EIF4G3: variants seen among roughly 807,000 people sequenced by gnomAD.
EIF4G3 encodes eIF-4-gamma 3.
Under a neutral mutation model 186.4 loss-of-function variants are expected in EIF4G3, and 34 were observed. That is an observed-to-expected ratio of 0.18 (90% CI 0.14 to 0.24). The LOEUF (loss-of-function observed/expected upper bound fraction) is 0.24, where lower values mean the gene tolerates loss of function less well. Ranked by LOEUF, EIF4G3 falls within the 10% of genes least tolerant of loss-of-function variation. The probability of loss-of-function intolerance (pLI) is 1.00; values close to 1 mark genes in which losing one functional copy is unlikely to be tolerated. For missense variants in EIF4G3, 1,536 were observed against 1,948.5 expected (o/e 0.79, Z 3.99); for synonymous variants, 673 against 679.5 (o/e 0.99, Z 0.15).
intron 2 of EIF4G3, among the ~76,000 whole-genome samples, chr1:21,139,620 T>C (rs1216331648): frequency 2.0e-5 from 3 of 152,222 alleles, no homozygotes; most frequent in Admixed American, 1.3e-4. Flanking sequence ...CTACTGAGCA[T>C]CCTAATTCTC....
chr1:20,883,037 G>A (rs1429014141), intron 19 of EIF4G3, among the ~76,000 whole-genome samples: 1 of 151,336 alleles, frequency 6.6e-6, no homozygotes, highest in African/African-American at 2.4e-5. Flanking sequence ...AGCTGTGACA[G>A]AGCCACTGAA....
Position 20,981,162 on chromosome 1 carries a change from A to G in EIF4G3, c.264T>C (p.Arg88=). 6.2e-7 allele frequency: 1 copy of G among 1,613,756 alleles called. No homozygotes were observed. The highest frequency in any genetic ancestry group is 1.3e-5 in the African/African-American group (1 of 74,914). Residue 88 remains arginine, a synonymous_variant, in exon 9 of 37, where the codon CGT becomes CGC. Coordinates refer to ENST00000602326, the MANE Select transcript of EIF4G3 (RefSeq NM_001391906.1). The part of the protein sequence containing the change: ...ATIPNSSPSI[R]PGAQTPTAVY... Reference sequence around the variant, plus strand: ...CTGCAGTGGGTGTCTGTGCACCAGGACGAATGGAAGGACTGCTGTTCGGGA... The same window carrying G: ...CTGCAGTGGGTGTCTGTGCACCAGGGCGAATGGAAGGACTGCTGTTCGGGA...
At chr1:20,949,938 G>A in intron 13 of EIF4G3, 65 bp downstream of exon 13, 5 of 1,321,076 alleles carry the variant, frequency 3.8e-6, no homozygotes, top group Non-Finnish European at 4.3e-6. Flanking sequence ...CTTGAATGCT[G>A]ACGGCAATGT....
At chr1:20,922,391 G>A (rs2094546726) in intron 14 of EIF4G3, among the ~76,000 whole-genome samples, 1 of 151,950 alleles carries the variant, frequency 6.6e-6, no homozygotes, top group Non-Finnish European at 1.5e-5. Context: ...TCTGCCTCCC[G>A]GGTTCATGCG....
At chr1:20,881,219 A>G (rs904791167) in intron 19 of EIF4G3, among the ~76,000 whole-genome samples, 2 of 152,226 alleles carry the variant, frequency 1.3e-5, no homozygotes, top group African/African-American at 4.8e-5. Context: ...AAACATTTCA[A>G]TGGAGAAAGG....
intron 19 of EIF4G3, among the ~76,000 whole-genome samples, chr1:20,885,717 A>G (rs1294589481): frequency 6.6e-6 from 1 of 152,224 alleles, no homozygotes; most frequent in African/African-American, 2.4e-5. Flanking sequence ...AATCCATTCA[A>G]TTTATCCTCA....
intron 19 of EIF4G3, among the ~76,000 whole-genome samples, chr1:20,880,876 T>C (rs1174782676): frequency 6.6e-6 from 1 of 152,234 alleles, no homozygotes; most frequent in African/African-American, 2.4e-5. Context: ...TGTTAAGATG[T>C]CAGTTTTCCC....
At chr1:20,935,629 G>A (rs914290411) in intron 14 of EIF4G3, among the ~76,000 whole-genome samples, 1 of 152,164 alleles carries the variant, frequency 6.6e-6, no homozygotes, top group Non-Finnish European at 1.5e-5. Context: ...AGCACATAAT[G>A]TGTAATGACC....
intron 10 of EIF4G3, among the ~76,000 whole-genome samples, chr1:20,976,327 TC>T (rs1217265673): frequency 6.9e-6 from 1 of 145,350 alleles, no homozygotes. Context: ...CCCTCCCCCT[TC>T]CCCCCACCCC....
At position 21,146,032 on chromosome 1, in the gene EIF4G3, C is replaced by A. The variant is rs188391409; in HGVS notation, c.-272+30143G>T. ...ATCAACTCAGCCCAGGAGTTCGAGGCTGTAGTGAGCCAAGATTGTGCCACT... is the reference window on the plus strand; with the variant it reads ...ATCAACTCAGCCCAGGAGTTCGAGGATGTAGTGAGCCAAGATTGTGCCACT... On this transcript the variant is annotated intron_variant, in intron 2 of 36. Coordinates refer to ENST00000602326, the MANE Select transcript of EIF4G3 (RefSeq NM_001391906.1). Among the ~76,000 whole-genome samples, 3 of 152,166 alleles carry A rather than the reference C, an allele frequency of 2.0e-5. No homozygotes were observed. In the East Asian group the frequency reaches 5.8e-4, roughly 29 times the overall value.
intron 7 of EIF4G3, 25 bp downstream of exon 7, chr1:20,997,576 T>C (rs1291371343): frequency 1.1e-5 from 17 of 1,548,742 alleles, no homozygotes; most frequent in East Asian, 2.4e-5. Context: ...TTAAGGGTGA[T>C]AGTGAAGGGG....
chr1:21,100,876 G>C (rs1030171295), intron 2 of EIF4G3, among the ~76,000 whole-genome samples: 16 of 152,022 alleles, frequency 1.1e-4, no homozygotes. Context: ...AAGCAATATA[G>C]GATCATCCAC....
At chr1:20,954,309 G>A (rs1402740445) in intron 12 of EIF4G3, among the ~76,000 whole-genome samples, 3 of 151,976 alleles carry the variant, frequency 2.0e-5, no homozygotes, top group Non-Finnish European at 2.9e-5. Context: ...AGGCCAAGGC[G>A]GGTGGATCAC....
At chr1:21,022,086 G>GA (rs2090861430) in intron 4 of EIF4G3, among the ~76,000 whole-genome samples, 1 of 152,128 alleles carries the variant, frequency 6.6e-6, no homozygotes, top group South Asian at 2.1e-4. Context: ...ACTAAGCACC[G>GA]AAAATGCATA....
intron 14 of EIF4G3, among the ~76,000 whole-genome samples, chr1:20,940,380 G>A (rs567336290): frequency 8.5e-5 from 13 of 152,298 alleles, no homozygotes; most frequent in Admixed American, 3.3e-4. Context: ...TGTTCTACAA[G>A]ATGTTCTGCA....
intron 7 of EIF4G3, among the ~76,000 whole-genome samples, chr1:20,992,582 C>T (rs542812140): frequency 6.6e-6 from 1 of 152,272 alleles, no homozygotes; most frequent in African/African-American, 2.4e-5. Context: ...TTTTATGAAG[C>T]TCATTATTTG....
At chr1:20,984,318 AC>A (rs1401643980) in intron 7 of EIF4G3, among the ~76,000 whole-genome samples, 1 of 151,526 alleles carries the variant, frequency 6.6e-6, no homozygotes, top group Non-Finnish European at 1.5e-5. Context: ...GGTGCCCACC[AC>A]CACACCTGGA....
intron 14 of EIF4G3, among the ~76,000 whole-genome samples, chr1:20,927,446 A>G (rs2094988939): frequency 6.6e-6 from 1 of 152,232 alleles, no homozygotes; most frequent in African/African-American, 2.4e-5. Context: ...ATCCAGCAGC[A>G]ATATTTTCTC....
chr1:20,936,537 C>T (rs1199547202), intron 14 of EIF4G3, among the ~76,000 whole-genome samples: 2 of 152,004 alleles, frequency 1.3e-5, no homozygotes, highest in Non-Finnish European at 2.9e-5. Context: ...TTGGCCCCAG[C>T]GACTAAATCT....
Sources: gnomAD v4.1 joint callset for allele counts (sites outside exome capture counted in the v4.1 genomes callset) on GRCh38, gnomAD v4.1.1 for gene constraint, MANE v1.5 for transcripts, NCBI Gene and HGNC (gene_info 2026-07-23, HGNC 2026-07-21) for gene names.